GRIN2A: variants seen among roughly 807,000 people sequenced by gnomAD.
The protein encoded by GRIN2A is glutamate ionotropic receptor NMDA type subunit 2A, also known as glutamate receptor ionotropic, NMDA 2A.
A neutral mutation model predicts 113.4 loss-of-function variants in GRIN2A; 22 were observed. That is an observed-to-expected ratio of 0.19 (90% CI 0.14 to 0.28). The LOEUF (loss-of-function observed/expected upper bound fraction) is 0.28, where lower values mean the gene tolerates loss of function less well. Ranked by LOEUF, GRIN2A falls within the 10% of genes least tolerant of loss-of-function variation. The probability of loss-of-function intolerance (pLI) is 1.00; values close to 1 mark genes in which losing one functional copy is unlikely to be tolerated. For missense variants in GRIN2A, 1,502 were observed against 1,887.0 expected (o/e 0.80, Z 3.78); for synonymous variants, 827 against 738.4 (o/e 1.12, Z -1.94).
At chr16:10,118,088 A>G (rs956624035) in intron 2 of GRIN2A, among the ~76,000 whole-genome samples, 10 of 152,176 alleles carry the variant, frequency 6.6e-5, no homozygotes, top group Admixed American at 4.6e-4. Context: ...TGAAGGATGA[A>G]CATCTGTTGT....
chr16:9,964,399 T>C (rs187664474), intron 2 of GRIN2A, among the ~76,000 whole-genome samples: 1 of 152,172 alleles, frequency 6.6e-6, no homozygotes, highest in African/African-American at 2.4e-5. Flanking sequence ...GACAATTTAA[T>C]GGGATCAGCC....
chr16:10,158,924 T>C (rs1028868231), intron 2 of GRIN2A, among the ~76,000 whole-genome samples: 15 of 152,196 alleles, frequency 9.9e-5, no homozygotes, highest in African/African-American at 3.6e-4. Context: ...CTATGTTATG[T>C]GTATTATATC....
rs1338365806 is a variant in GRIN2A at position 10,131,668 on chromosome 16, G to T, written c.414+48330C>A. 2.6e-5 allele frequency among the ~76,000 whole-genome samples: 4 copies of T among 152,118 alleles called. 1 individual carries two copies. The highest frequency in any genetic ancestry group is 9.7e-5 in the African/African-American group (4 of 41,420). On this transcript the variant is annotated intron_variant, in intron 2 of 12. Transcript: ENST00000330684. The stretch of plus-strand genomic sequence containing the variant: ...CAAGAAGGTCAGGGAAGACTTCCTG[G>T]GAGACATGGCTTTTGAATGGGATTA...
intron 2 of GRIN2A, among the ~76,000 whole-genome samples, chr16:10,017,923 C>A (rs982107015): frequency 5.9e-5 from 9 of 152,170 alleles, no homozygotes; most frequent in African/African-American, 2.2e-4. Context: ...TTATGTTAAT[C>A]ATGGAATTCT....
rs573589434 is a variant in GRIN2A, at chr16:9,754,823, C to T, written c.*8326G>A. On this transcript the variant is annotated 3_prime_UTR_variant, in exon 13 of 13. Coordinates refer to ENST00000330684, the MANE Select transcript of GRIN2A (RefSeq NM_001134407.3). ...CAATGTTTTCGTATTTCTGGATCTTCGCTCTTTGCTCAGTTATCAATAGTC... is the reference window on the plus strand; with the variant it reads ...CAATGTTTTCGTATTTCTGGATCTTTGCTCTTTGCTCAGTTATCAATAGTC... 6.7e-5 allele frequency: 15 copies of T among 222,228 alleles called. No homozygotes were observed. In the South Asian group the frequency reaches 1.5e-3, roughly 22 times the overall value. 13.8% of individuals were successfully genotyped at this position (222,228 alleles called of 1,614,324 possible).
intron 10 of GRIN2A, among the ~76,000 whole-genome samples, chr16:9,812,467 C>T (rs1016750356): frequency 4.6e-5 from 7 of 152,014 alleles, no homozygotes; most frequent in South Asian, 2.1e-4. Context: ...GGCGAAACCC[C>T]GTCTCTGCTA....
intron 2 of GRIN2A, among the ~76,000 whole-genome samples, chr16:9,964,268 G>A (rs2045506948): frequency 6.6e-6 from 1 of 152,196 alleles, no homozygotes; most frequent in Admixed American, 6.5e-5. Flanking sequence ...TGTGGCCCTG[G>A]AACCAGTGAC....
At chr16:9,995,475 G>A (rs2046204972) in intron 2 of GRIN2A, among the ~76,000 whole-genome samples, 2 of 152,198 alleles carry the variant, frequency 1.3e-5, no homozygotes, top group Non-Finnish European at 2.9e-5. Flanking sequence ...TGGTGGTGGT[G>A]TTTTGGTCAA....
rs1032449186 is a variant in GRIN2A, at chr16:9,958,173, T to C, written c.415-19622A>G. ...CGACTGTGAGGATTAAAATTGGCAATTGATGTAAAAGCATCTGGCATGCAA... is the reference window on the plus strand; with the variant it reads ...CGACTGTGAGGATTAAAATTGGCAACTGATGTAAAAGCATCTGGCATGCAA... On this transcript the variant is annotated intron_variant, in intron 2 of 12. Coordinates refer to ENST00000330684, the MANE Select transcript of GRIN2A (RefSeq NM_001134407.3). Among the ~76,000 whole-genome samples, 13 of 152,346 alleles carry C rather than the reference T, an allele frequency of 8.5e-5. No homozygotes were observed. The South Asian group carries it at 1.5e-3, about 17-fold the overall frequency.
intron 2 of GRIN2A, among the ~76,000 whole-genome samples, chr16:10,141,795 A>G (rs1007326109): frequency 6.6e-6 from 1 of 152,212 alleles, no homozygotes; most frequent in Non-Finnish European, 1.5e-5. Flanking sequence ...GCTATTTTCC[A>G]CATTTTACAA....
In GRIN2A at chr16:10,180,424, C is replaced by T. The variant is rs753169735; in HGVS notation, c.-13G>A. ...CCACTCTGCCCATAGTCGCCACTGACGGTCCCTGCAAGGTGAAGAGTGAGA... is the reference window on the plus strand; with the variant it reads ...CCACTCTGCCCATAGTCGCCACTGATGGTCCCTGCAAGGTGAAGAGTGAGA... On this transcript the variant is annotated 5_prime_UTR_variant, in exon 2 of 13. Transcript: ENST00000330684. The surrounding 1 kb of genome is among the most constrained non-coding windows in gnomAD (Gnocchi z 7.0). The T allele has an allele frequency of 1.6e-5, 25 of 1,602,386 alleles. No homozygotes were observed. The highest frequency in any genetic ancestry group is 2.7e-5 in the African/African-American group (2 of 74,896).
intron 2 of GRIN2A, among the ~76,000 whole-genome samples, chr16:9,970,144 T>G (rs145121461): frequency 2.0e-5 from 3 of 152,362 alleles, no homozygotes; most frequent in African/African-American, 7.2e-5. Flanking sequence ...ATTCAATGTT[T>G]GAGTAAGCAC....
intron 2 of GRIN2A, among the ~76,000 whole-genome samples, chr16:10,013,685 G>A (rs941760871): frequency 6.6e-6 from 1 of 152,158 alleles, no homozygotes; most frequent in Non-Finnish European, 1.5e-5. Flanking sequence ...CCTGGGTCAG[G>A]AGCAAGGACA....
chr16:9,981,227 G>A (rs1243025503), intron 2 of GRIN2A, among the ~76,000 whole-genome samples: 1 of 152,170 alleles, frequency 6.6e-6, no homozygotes, highest in Non-Finnish European at 1.5e-5. Flanking sequence ...TTCCTTCTAT[G>A]ATCTCAAGGC....
At chr16:9,887,875 A>G (rs1055379495) in intron 4 of GRIN2A, among the ~76,000 whole-genome samples, 1 of 152,160 alleles carries the variant, frequency 6.6e-6, no homozygotes, top group East Asian at 1.9e-4. Context: ...CCTGGCCAAC[A>G]TGGTGCAACT....
At chr16:10,153,109 A>ATG (rs1347841265) in intron 2 of GRIN2A, among the ~76,000 whole-genome samples, 6 of 152,182 alleles carry the variant, frequency 3.9e-5, no homozygotes, top group Admixed American at 3.9e-4. Flanking sequence ...TTTTGTGTCC[A>ATG]TGTAGGCCTA....
chr16:9,777,097 A>G (rs926367265), intron 11 of GRIN2A, among the ~76,000 whole-genome samples: 1 of 152,170 alleles, frequency 6.6e-6, no homozygotes, highest in African/African-American at 2.4e-5. Flanking sequence ...AACTTCATTA[A>G]TTCCACCATC....
chr16:10,020,974 T>A (rs902091638), intron 2 of GRIN2A, among the ~76,000 whole-genome samples: 8 of 152,170 alleles, frequency 5.3e-5, no homozygotes, highest in African/African-American at 1.2e-4. Flanking sequence ...TTCCCCAAAC[T>A]TCTCCCTCTC....
Position 9,933,796 on chromosome 16 carries a change from T to C in GRIN2A, c.1007+4163A>G, listed in dbSNP as rs555752391. On this transcript the variant is annotated intron_variant, in intron 3 of 12. Coordinates refer to ENST00000330684, the MANE Select transcript of GRIN2A (RefSeq NM_001134407.3). ...TGTAAGTGTAAAGATGGAACACTTA[T>C]ACAACAGAATATCATCAATAAAATA... Among the ~76,000 whole-genome samples, 8 of 152,330 alleles carry C rather than the reference T, an allele frequency of 5.3e-5. No individual in the cohort carries two copies. The South Asian group carries it at 1.5e-3, about 28-fold the overall frequency.
Sources: gnomAD v4.1 joint callset for allele counts (sites outside exome capture counted in the v4.1 genomes callset) on GRCh38, gnomAD v4.1.1 for gene constraint, Gnocchi (gnomAD v3.1) non-coding constraint, MANE v1.5 for transcripts, NCBI Gene and HGNC (gene_info 2026-07-23, HGNC 2026-07-21) for gene names.